Variants in DPP6 observed in about 807,000 individuals in gnomAD.
DPP6 encodes A-type potassium channel modulatory protein DPP6.
DPP6 carries 69 observed loss-of-function variants against 122.6 expected under a neutral mutation model. That is an observed-to-expected ratio of 0.56 (90% CI 0.46 to 0.69). The LOEUF (loss-of-function observed/expected upper bound fraction) is 0.69, where lower values mean the gene tolerates loss of function less well. DPP6 is among the 30% of genes least tolerant of loss of function. The pLI is 0.00. For synonymous variants in DPP6, 418 were observed against 433.1 expected (o/e 0.97, Z 0.43); for missense variants, 928 against 1,116.9 (o/e 0.83, Z 2.41).
At chr7:154,163,708 G>A (rs1797092852) in intron 1 of DPP6, among the ~76,000 whole-genome samples, 1 of 152,174 alleles carries the variant, frequency 6.6e-6, no homozygotes, top group African/African-American at 2.4e-5. Flanking sequence ...GGATTTGGAG[G>A]TGATTTATCC....
chr7:153,937,783 G>A (rs1801525427), intron 1 of DPP6, among the ~76,000 whole-genome samples: 1 of 152,066 alleles, frequency 6.6e-6, no homozygotes, highest in Non-Finnish European at 1.5e-5. Context: ...ATCATGTTCA[G>A]CTTGGTGTTG....
At chr7:153,958,034 G>A (rs1795145812) in intron 1 of DPP6, among the ~76,000 whole-genome samples, 1 of 152,034 alleles carries the variant, frequency 6.6e-6, no homozygotes, top group Non-Finnish European at 1.5e-5. Flanking sequence ...TGTGGTGGTG[G>A]GCGTCTGTAA....
At chr7:154,099,001 A>G (rs1307859776) in intron 1 of DPP6, among the ~76,000 whole-genome samples, 3 of 152,238 alleles carry the variant, frequency 2.0e-5, no homozygotes, top group Non-Finnish European at 2.9e-5. Flanking sequence ...GCAAACAATC[A>G]CATCAGGATT....
chr7:154,344,920 A>G (rs924535399), intron 1 of DPP6, among the ~76,000 whole-genome samples: 1 of 152,114 alleles, frequency 6.6e-6, no homozygotes, highest in African/African-American at 2.4e-5. Context: ...ATAACCTCCA[A>G]GTGCTGTTGT....
intron 7 of DPP6, among the ~76,000 whole-genome samples, chr7:154,681,516 C>T (rs1839277949): frequency 6.6e-6 from 1 of 152,206 alleles, no homozygotes; most frequent in Non-Finnish European, 1.5e-5. Flanking sequence ...ACACTTGCGG[C>T]CATGGCAGAT....
the DPP6 span, among the ~76,000 whole-genome samples, chr7:153,862,598 A>G: frequency 2.0e-5 from 3 of 152,206 alleles, no homozygotes; most frequent in Non-Finnish European, 4.4e-5. Context: ...ATAATGCCTA[A>G]ACATCTTTCT....
chr7:154,777,649 C>A (rs1796666735), intron 10 of DPP6, among the ~76,000 whole-genome samples: 1 of 152,188 alleles, frequency 6.6e-6, no homozygotes, highest in African/African-American at 2.4e-5. Flanking sequence ...AGATAGCCAG[C>A]ACGATCATTC....
intron 1 of DPP6, among the ~76,000 whole-genome samples, chr7:154,177,887 T>C (rs922628526): frequency 3.9e-5 from 6 of 152,194 alleles, no homozygotes; most frequent in African/African-American, 1.2e-4. Flanking sequence ...GTCTTTGTCA[T>C]GGACAGGGGA....
chr7:153,985,339 C>T (rs1386391979), intron 1 of DPP6, among the ~76,000 whole-genome samples: 1 of 152,192 alleles, frequency 6.6e-6, no homozygotes, highest in African/African-American at 2.4e-5. Context: ...TCACCACTCC[C>T]CTAAGAGCAA....
intron 1 of DPP6, among the ~76,000 whole-genome samples, chr7:154,375,073 G>A (rs1813014159): frequency 6.6e-6 from 1 of 152,154 alleles, no homozygotes; most frequent in African/African-American, 2.4e-5. Context: ...CCATCTCAGG[G>A]ACTGGAAGGC....
In DPP6 at chr7:154,468,607, G is replaced by A. The variant is rs140637353; in HGVS notation, c.359-6332G>A. On this transcript the variant is annotated intron_variant, in intron 2 of 25. Coordinates refer to ENST00000377770, the MANE Select transcript of DPP6 (RefSeq NM_130797.4). ...AACAGGCTGCTGAATATATTTTAAGGTTTCAGTTTATTTCCTGGATCTAAA... is the reference window on the plus strand; with the variant it reads ...AACAGGCTGCTGAATATATTTTAAGATTTCAGTTTATTTCCTGGATCTAAA... Among the ~76,000 whole-genome samples, 16 of 152,274 alleles carry A rather than the reference G, an allele frequency of 1.1e-4. No homozygotes were observed. In the East Asian group the frequency reaches 2.9e-3, roughly 28 times the overall value.
In DPP6 at chr7:153,937,437, C is replaced by CTT. The variant is rs201001951; in HGVS notation, c.51+49733_51+49734dup. Among the ~76,000 whole-genome samples the CTT allele has an allele frequency of 1.3e-3, 152 of 115,450 alleles. 9 individuals are homozygous for CTT. The highest frequency in any genetic ancestry group is 1.7e-3 in the Non-Finnish European group (101 of 57,936). The allele number at this position is 115,450 out of a possible 152,430, so 75.7% of individuals were successfully genotyped here. A position where few individuals can be genotyped will look rare whatever the true frequency, so the allele number is the denominator to read the frequency against. On this transcript the variant is annotated intron_variant, in intron 1 of 25. Coordinates refer to the DPP6 transcript ENST00000404039. The stretch of plus-strand genomic sequence containing the variant: ...TGTTTTCTTCCCTCTTCAGAGCTAA[C>CTT]TTTTTTTTTTTTTTTTTTTTTTTTT...
At chr7:154,663,202 G>C (rs1473816076) in intron 6 of DPP6, among the ~76,000 whole-genome samples, 6 of 56,284 alleles carry the variant, frequency 1.1e-4, no homozygotes, top group South Asian at 1.0e-3. Context: ...TGGTGAATCA[G>C]CATGGTGTAT....
chr7:153,943,442 T>A lies in DPP6; in HGVS notation c.51+55708T>A, dbSNP rs183797292. On this transcript the variant is annotated intron_variant, in intron 1 of 25. Coordinates refer to the DPP6 transcript ENST00000404039. ...TAAAGGACTTCCAGTCCAAATTCCA[T>A]CAAATCATGTAGAGCCCTCTTTTTT... Among the ~76,000 whole-genome samples the A allele has an allele frequency of 2.5e-3, 383 of 152,314 alleles. 1 individual carries two copies. Among genetic ancestry groups the A allele is most frequent in the African/African-American group, 8.4e-3 (349 of 41,584 alleles).
At position 154,650,880 on chromosome 7, in the gene DPP6, G is replaced by T. The variant is rs1053334940; in HGVS notation, c.680+13007G>T. Among the ~76,000 whole-genome samples the T allele has an allele frequency of 3.9e-5, 6 of 152,310 alleles. No homozygotes were observed. The South Asian group carries it at 1.2e-3, about 32-fold the overall frequency. On this transcript the variant is annotated intron_variant, in intron 6 of 25. Coordinates refer to ENST00000377770, the MANE Select transcript of DPP6 (RefSeq NM_130797.4). ...CCTAGTAGAGGGAGGTTGGAAGGAT[G>T]AGAACTGTCTACAATTAACCTTTTC...
At chr7:154,537,006 G>C (rs982155853) in intron 3 of DPP6, among the ~76,000 whole-genome samples, 14 of 152,016 alleles carry the variant, frequency 9.2e-5, no homozygotes, top group Non-Finnish European at 1.8e-4. Flanking sequence ...ACATTACTAT[G>C]ACCATGTAAT....
At chr7:154,135,321 C>A (rs932208458) in intron 1 of DPP6, among the ~76,000 whole-genome samples, 1 of 151,930 alleles carries the variant, frequency 6.6e-6, no homozygotes, top group African/African-American at 2.4e-5. Flanking sequence ...CTATGCACTT[C>A]CTATAAGCCC....
At chr7:154,416,350 C>G (rs185350993) in intron 1 of DPP6, among the ~76,000 whole-genome samples, 1 of 152,230 alleles carries the variant, frequency 6.6e-6, no homozygotes, top group East Asian at 1.9e-4. Flanking sequence ...CAACACGATG[C>G]CTGTGTCATT....
At chr7:154,066,362 A>T (rs145485229) in intron 1 of DPP6, among the ~76,000 whole-genome samples, 2,605 of 152,256 alleles carry the variant, frequency 0.017, 75 homozygotes, top group African/African-American at 0.058. Flanking sequence ...GCCCAGCCTC[A>T]GATTTTTTTA....
Sources: gnomAD v4.1 joint callset for allele counts (sites outside exome capture counted in the v4.1 genomes callset) on GRCh38, gnomAD v4.1.1 for gene constraint, MANE v1.5 for transcripts, NCBI Gene and HGNC (gene_info 2026-07-23, HGNC 2026-07-21) for gene names.